The following JMJD7 variants were observed in gnomAD, a reference collection of about 807,000 sequenced individuals.
JMJD7 encodes bifunctional peptidase and (3S)-lysyl hydroxylase JMJD7.
In JMJD7, 41 loss-of-function variants were observed where a neutral mutation model predicts 41.1. The ratio of observed to expected loss-of-function variants is 1.00; its 90% CI spans 0.78 to 1.30. JMJD7 has a LOEUF of 1.30. Among genes scored for constraint, JMJD7 ranks in the 50% most tolerant of loss-of-function variants. JMJD7 has a pLI of 0.00. For missense variants in JMJD7, 480 were observed against 420.7 expected (o/e 1.14, Z -1.23); for synonymous variants, 202 against 177.2 (o/e 1.14, Z -1.11).
At chr15:41,835,781 G>C (rs866055897) in intron 4 of JMJD7, 137 bp downstream of exon 4, 1 of 1,094,604 alleles carries the variant, frequency 9.1e-7, no homozygotes, top group African/African-American at 1.6e-5. Flanking sequence ...TCTAGGACTC[G>C]GGCACCACAG....
intron 4 of JMJD7, 131 bp downstream of exon 4, chr15:41,835,775 G>C (rs2065303791): frequency 8.6e-7 from 1 of 1,162,212 alleles, no homozygotes; most frequent in Non-Finnish European, 1.2e-6. Flanking sequence ...TTGGCTTCTA[G>C]GACTCGGGCA....
chr15:41,833,704 GC>G (rs1337819716), intron 1 of JMJD7, among the ~76,000 whole-genome samples: 1 of 151,968 alleles, frequency 6.6e-6, no homozygotes, highest in Non-Finnish European at 1.5e-5. Context: ...ACAGACATGA[GC>G]CACCACGTCT....
intron 7 of JMJD7, 60 bp downstream of exon 7, chr15:41,837,000 G>T (rs147096097): frequency 8.7e-6 from 14 of 1,609,562 alleles, no homozygotes; most frequent in East Asian, 4.5e-5. Context: ...AGGGCCTCTG[G>T]GGGGAGGCTT....
intron 1 of JMJD7, among the ~76,000 whole-genome samples, chr15:41,829,880 G>T (rs1432962542): frequency 6.6e-6 from 1 of 152,200 alleles, no homozygotes; most frequent in East Asian, 1.9e-4. Context: ...ACCAGCGTGG[G>T]CAACATAGTG....
At chr15:41,834,659 T>G (rs1453734196) in intron 1 of JMJD7, 81 bp from the exon 2 acceptor site, 1 of 1,558,458 alleles carries the variant, frequency 6.4e-7, no homozygotes, top group African/African-American at 1.4e-5. Flanking sequence ...GCGCGGCCTT[T>G]CCAGGGAGGG....
intron 1 of JMJD7, among the ~76,000 whole-genome samples, chr15:41,830,716 T>C (rs2065217826): frequency 6.6e-6 from 1 of 152,234 alleles, no homozygotes; most frequent in Non-Finnish European, 1.5e-5. Context: ...TGGAAGTGCC[T>C]GATCCTGCTG....
chr15:41,828,137 G>A lies in JMJD7; in HGVS notation c.13G>A (p.Ala5Thr), dbSNP rs1007714425. The A allele has an allele frequency of 6.8e-7, 1 of 1,473,700 alleles. No individual in the cohort carries two copies. The highest frequency in any genetic ancestry group is 8.9e-7 in the Non-Finnish European group (1 of 1,117,542). 91.3% of individuals were successfully genotyped at this position (1,473,700 alleles called of 1,614,324 possible). ...CGCTGACGCAGCCATGGCGGAGGCG[G>A]CTTTGGAAGCCGTGCGGAGCGAGTT... MAEA[A>T]LEAVRSELRE... is the part of the protein sequence containing the mutation. Residue 5 changes from alanine to threonine, a missense_variant, in exon 1 of 8, where the codon GCT becomes ACT. By Grantham distance (58) the Ala-to-Thr change is moderately conservative (BLOSUM62 0). Transcript: ENST00000397299.
chr15:41,831,741 C>T (rs1442077199), intron 1 of JMJD7, among the ~76,000 whole-genome samples: 1 of 152,182 alleles, frequency 6.6e-6, no homozygotes, highest in Non-Finnish European at 1.5e-5. Context: ...TGGGTCTCCT[C>T]TGAGCTATCC....
At chr15:41,829,979 G>A (rs1235749011) in intron 1 of JMJD7, among the ~76,000 whole-genome samples, 2 of 152,170 alleles carry the variant, frequency 1.3e-5, no homozygotes, top group Non-Finnish European at 1.5e-5. Context: ...TGACAGTGGC[G>A]GGCAGTTGGA....
In JMJD7 at chr15:41,836,258, C is replaced by G; in HGVS notation, c.625+15C>G. 6.2e-7 allele frequency: 1 copy of G among 1,612,052 alleles called. No homozygotes were observed. Among genetic ancestry groups the G allele is most frequent in the Non-Finnish European group, 8.5e-7 (1 of 1,179,116 alleles). On this transcript the variant is annotated intron_variant, in intron 5 of 7. Coordinates refer to ENST00000397299, the MANE Select transcript of JMJD7 (RefSeq NM_001114632.2). ...CATCCCCTATGGTAGGGGATGTGGC[C>G]TGCAGGGAGGGGCTGGGGAACAGCT...
Position 41,834,841 on chromosome 15 carries a change from A to C in JMJD7, c.166A>C (p.Asn56His). Reference sequence around the variant, plus strand: ...CCCCAACAGGCCGTGCATTATCCGCAACGCTCTGCAGCACTGGCCGGCCCT... The same window carrying C: ...CCCCAACAGGCCGTGCATTATCCGCCACGCTCTGCAGCACTGGCCGGCCCT... ...VCPNRPCIIR[N>H]ALQHWPALQK... Residue 56 changes from asparagine to histidine, a missense_variant, in exon 2 of 8, where the codon AAC becomes CAC. By Grantham distance (68) the Asn-to-His change is moderately conservative (BLOSUM62 1). Transcript: ENST00000397299. The C allele has an allele frequency of 6.2e-7, 1 of 1,614,146 alleles. No individual in the cohort carries two copies. Among genetic ancestry groups the C allele is most frequent in the Non-Finnish European group, 8.5e-7 (1 of 1,180,030 alleles).
intron 1 of JMJD7, among the ~76,000 whole-genome samples, chr15:41,828,902 A>G (rs1408065407): frequency 1.2e-4 from 18 of 152,014 alleles, no homozygotes; most frequent in Admixed American, 1.1e-3. Context: ...ACATTCCTCT[A>G]CCTCAGTCTT....
Position 41,834,781 on chromosome 15 carries a change from C to G in JMJD7, c.106C>G (p.Pro36Ala), listed in dbSNP as rs754717091. The G allele has an allele frequency of 1.9e-6, 3 of 1,614,188 alleles. No individual in the cohort carries two copies. The highest frequency in any genetic ancestry group is 1.7e-6 in the Non-Finnish European group (2 of 1,180,042). The change falls in exon 2 of 8, where the codon CCA becomes GCA. Residue 36 changes from proline (P) to alanine (A), a missense_variant. Coordinates refer to ENST00000397299, the MANE Select transcript of JMJD7 (RefSeq NM_001114632.2). ...TGCTGTGCCCTACCTGGACAAACCCCCAACTCCGCTCCACTTCTACCGGGA... is the reference window on the plus strand; with the variant it reads ...TGCTGTGCCCTACCTGGACAAACCCGCAACTCCGCTCCACTTCTACCGGGA... Reference protein sequence around the residue: ...PLAVPYLDKPPTPLHFYRDWV... With the variant: ...PLAVPYLDKPATPLHFYRDWV...
intron 1 of JMJD7, among the ~76,000 whole-genome samples, chr15:41,833,859 T>G (rs1043353564): frequency 1.3e-5 from 2 of 152,166 alleles, no homozygotes; most frequent in Non-Finnish European, 2.9e-5. Flanking sequence ...ATGTGATATT[T>G]GAGTGAGGAC....
intron 1 of JMJD7, chr15:41,828,510 C>T (rs2065175874): frequency 1.1e-5 from 3 of 274,134 alleles, no homozygotes; most frequent in Admixed American, 5.4e-5. Context: ...TGGTCGGATT[C>T]CTCCCCCACG....
Position 41,835,030 on chromosome 15 carries a change from C to T in JMJD7, c.279C>T (p.Ala93=), listed in dbSNP as rs755026008. The T allele has an allele frequency of 3.8e-5, 61 of 1,613,902 alleles. No individual in the cohort carries two copies. The highest frequency in any genetic ancestry group is 2.1e-4 in the South Asian group (19 of 91,088). The change falls in exon 3 of 8, where the codon GCC becomes GCT. Residue 93 remains alanine, a synonymous_variant. Transcript: ENST00000397299. ...TGACCCCAGATGGTTACGCGGATGC[C>T]GTGAGAGGGGATCGCTTCATGATGC... ...VAVTPDGYAD[A]VRGDRFMMPA... is the part of the protein sequence containing the mutation.
At chr15:41,836,324 G>T (rs1596115616) in intron 5 of JMJD7, 81 bp downstream of exon 5, 2 of 1,580,534 alleles carry the variant, frequency 1.3e-6, no homozygotes, top group African/African-American at 2.7e-5. Context: ...TGGGAGGCCA[G>T]TTCCCAGGCC....
chr15:41,835,003 C>T lies in JMJD7; in HGVS notation c.252C>T (p.Ala84=), dbSNP rs760138153. Residue 84 remains alanine, a synonymous_variant, in exon 3 of 8, where the codon GCC becomes GCT. Coordinates refer to ENST00000397299, the MANE Select transcript of JMJD7 (RefSeq NM_001114632.2). Reference sequence around the variant, plus strand: ...TGGGCTCCACAGAGGTGAGTGTGGCCGTGACCCCAGATGGTTACGCGGATG... The same window carrying T: ...TGGGCTCCACAGAGGTGAGTGTGGCTGTGACCCCAGATGGTTACGCGGATG... ...ATVGSTEVSV[A]VTPDGYADAV... is the part of the protein sequence containing the mutation. 45 of 1,614,088 alleles carry T rather than the reference C, an allele frequency of 2.8e-5. No individual in the cohort carries two copies. In the East Asian group the frequency reaches 4.2e-4, roughly 15 times the overall value.
chr15:41,829,823 T>C (rs1341567355), intron 1 of JMJD7, among the ~76,000 whole-genome samples: 7 of 152,204 alleles, frequency 4.6e-5, no homozygotes, highest in Non-Finnish European at 1.0e-4. Context: ...ATCCTAGCAC[T>C]TCAGGAGACC....
Sources: allele counts gnomAD v4.1 joint callset (sites outside exome capture counted in the v4.1 genomes callset), GRCh38; gene constraint gnomAD v4.1.1; transcripts MANE v1.5; gene names NCBI Gene and HGNC (gene_info 2026-07-23, HGNC 2026-07-21).